The following SLC25A36 variants were observed in gnomAD, a reference collection of about 807,000 sequenced individuals.
SLC25A36 encodes epididymis secretory sperm binding protein.
Under a neutral mutation model 35.3 loss-of-function variants are expected in SLC25A36, and 24 were observed. The observed-to-expected ratio is 0.68, with a 90% confidence interval of 0.49 to 0.96. The LOEUF (loss-of-function observed/expected upper bound fraction) is 0.96, where lower values mean the gene tolerates loss of function less well. Ranked by LOEUF, SLC25A36 falls within the 40% of genes least tolerant of loss-of-function variation. The pLI is 0.00. For synonymous variants in SLC25A36, 141 were observed against 132.2 expected (o/e 1.07, Z -0.46); for missense variants, 294 against 381.1 (o/e 0.77, Z 1.90).
At chr3:140,949,516 C>A (rs1422016300) in intron 1 of SLC25A36, among the ~76,000 whole-genome samples, 1 of 152,106 alleles carries the variant, frequency 6.6e-6, no homozygotes, top group Non-Finnish European at 1.5e-5. Context: ...CGATCTTGGC[C>A]TTCTCGTATC....
chr3:140,942,410 AGGCCGAATCCATGCGTCTGAGGAGACGCG>A (rs1238261096), intron 1 of SLC25A36: 1 of 258,944 alleles, frequency 3.9e-6, no homozygotes, highest in Non-Finnish European at 7.4e-6. Flanking sequence ...GGTGAGGCGG[AGGCCGAATCCATGCGTCTGAGGAGACGCG>A]GGCAAGAGCT....
chr3:140,950,918 CTGTGTG>C (rs373375551), intron 1 of SLC25A36, among the ~76,000 whole-genome samples: 5 of 136,376 alleles, frequency 3.7e-5, no homozygotes, highest in Non-Finnish European at 3.2e-5. Flanking sequence ...GTCTGTGTGT[CTGTGTG>C]TGTGTGTGTG....
chr3:140,945,126 T>A (rs1934128130), intron 1 of SLC25A36, among the ~76,000 whole-genome samples: 1 of 152,208 alleles, frequency 6.6e-6, no homozygotes, highest in South Asian at 2.1e-4. Flanking sequence ...ACAGGTTTTT[T>A]GATGATGGTC....
chr3:140,952,880 CTCTT>C (rs566883056), intron 1 of SLC25A36, among the ~76,000 whole-genome samples: 5 of 152,114 alleles, frequency 3.3e-5, no homozygotes, highest in Middle Eastern at 3.2e-3. Flanking sequence ...TTCAAGAATA[CTCTT>C]TCTTAGGTTT....
chr3:140,960,970 C>T lies in SLC25A36; in HGVS notation c.284+1430C>T, dbSNP rs182703591. Among the ~76,000 whole-genome samples the T allele has an allele frequency of 6.6e-4, 100 of 152,302 alleles. 1 individual carries two copies. Among genetic ancestry groups the T allele is most frequent in the African/African-American group, 2.3e-3 (95 of 41,566 alleles). ...AAGCCAAAAGGACATGAAAACATAA[C>T]TTCGTCATTTTTCTCTGACACCATT... On this transcript the variant is annotated intron_variant, in intron 3 of 6. Coordinates refer to ENST00000324194, the MANE Select transcript of SLC25A36 (RefSeq NM_001104647.3).
At chr3:140,952,845 A>G (rs1234015558) in intron 1 of SLC25A36, among the ~76,000 whole-genome samples, 1 of 152,204 alleles carries the variant, frequency 6.6e-6, no homozygotes, top group Admixed American at 6.5e-5. Flanking sequence ...TGTTCATTGA[A>G]TACATTTTTT....
At chr3:140,955,216 T>G (rs1159786896) in intron 1 of SLC25A36, among the ~76,000 whole-genome samples, 1 of 152,142 alleles carries the variant, frequency 6.6e-6, no homozygotes, top group East Asian at 1.9e-4. Flanking sequence ...CGGAGTGATA[T>G]TAACATTGCC....
At chr3:140,949,130 A>C (rs1306370043) in intron 1 of SLC25A36, among the ~76,000 whole-genome samples, 1 of 152,216 alleles carries the variant, frequency 6.6e-6, no homozygotes, top group East Asian at 1.9e-4. Flanking sequence ...AGCTTCAAAA[A>C]CAAAAAAACA....
chr3:140,947,643 A>AT, intron 1 of SLC25A36, among the ~76,000 whole-genome samples: 1 of 152,258 alleles, frequency 6.6e-6, no homozygotes, highest in South Asian at 2.1e-4. Context: ...AATTTTCTGT[A>AT]TTACTAGTCT....
intron 3 of SLC25A36, 123 bp from the exon 4 acceptor site, chr3:140,963,004 G>A (rs1934669067): frequency 1.9e-6 from 1 of 520,224 alleles, no homozygotes; most frequent in Non-Finnish European, 3.2e-6. Flanking sequence ...AATGTTACAT[G>A]AGAATGTGGC....
chr3:140,951,196 T>G (rs1934314750), intron 1 of SLC25A36, among the ~76,000 whole-genome samples: 1 of 150,640 alleles, frequency 6.6e-6, no homozygotes, highest in Non-Finnish European at 1.5e-5. Flanking sequence ...TCTCTGGGCC[T>G]CTCTGTTCTT....
intron 1 of SLC25A36, among the ~76,000 whole-genome samples, chr3:140,956,285 T>G (rs1327802272): frequency 6.6e-6 from 1 of 152,196 alleles, no homozygotes; most frequent in African/African-American, 2.4e-5. Context: ...TCAGTTGAAG[T>G]GTTTAGCAGT....
intron 4 of SLC25A36, chr3:140,968,869 T>C (rs1934831667): frequency 4.3e-6 from 1 of 230,208 alleles, no homozygotes; most frequent in African/African-American, 2.3e-5. Flanking sequence ...TTAAAAAGTT[T>C]GATGTAAAGA....
intron 1 of SLC25A36, among the ~76,000 whole-genome samples, chr3:140,949,569 G>A (rs1934264007): frequency 6.6e-6 from 1 of 152,162 alleles, no homozygotes; most frequent in Non-Finnish European, 1.5e-5. Flanking sequence ...TTAAATGAGT[G>A]TCAATCTAGG....
In SLC25A36 at chr3:140,955,185, A is replaced by G. The variant is rs1344828517; in HGVS notation, c.42-1342A>G. On this transcript the variant is annotated intron_variant, in intron 1 of 6. Coordinates refer to ENST00000324194, the MANE Select transcript of SLC25A36 (RefSeq NM_001104647.3). ...CAATATGACATATTTTTATCTTTTA[A>G]AATTTCTTTTACATTCTATTCGGAG... Among the ~76,000 whole-genome samples, 3 of 151,928 alleles carry G rather than the reference A, an allele frequency of 2.0e-5. No individual in the cohort carries two copies. The East Asian group carries it at 5.8e-4, about 29-fold the overall frequency.
At chr3:140,950,414 A>G (rs1934288137) in intron 1 of SLC25A36, among the ~76,000 whole-genome samples, 1 of 151,866 alleles carries the variant, frequency 6.6e-6, no homozygotes, top group Admixed American at 6.6e-5. Flanking sequence ...CTGTCATCCT[A>G]ATCCTATCTT....
At chr3:140,948,703 A>G (rs1226785371) in intron 1 of SLC25A36, among the ~76,000 whole-genome samples, 1 of 152,202 alleles carries the variant, frequency 6.6e-6, no homozygotes, top group East Asian at 1.9e-4. Context: ...TTGCCTGTTA[A>G]AAACAAGTTT....
At chr3:140,969,446 T>C (rs1934846170) in intron 4 of SLC25A36, among the ~76,000 whole-genome samples, 1 of 151,876 alleles carries the variant, frequency 6.6e-6, no homozygotes, top group African/African-American at 2.4e-5. Flanking sequence ...TAAAAGCACT[T>C]AAGAGAAATG....
chr3:140,979,605 A>C lies in SLC25A36; in HGVS notation c.*3152A>C, dbSNP rs1935138315. 6.6e-6 allele frequency: 1 copy of C among 152,182 alleles called. No individual in the cohort carries two copies. Among genetic ancestry groups the C allele is most frequent in the Admixed American group, 6.5e-5 (1 of 15,282 alleles). 9.4% of individuals were successfully genotyped at this position (152,182 alleles called of 1,614,324 possible). ...CAATGTACAAACTTTCTGCCCACTC[A>C]GATCTCTTCTCCATCATGTACTTAG... On this transcript the variant is annotated 3_prime_UTR_variant, in exon 7 of 7. Coordinates refer to ENST00000324194, the MANE Select transcript of SLC25A36 (RefSeq NM_001104647.3).
Sources: allele counts gnomAD v4.1 joint callset (sites outside exome capture counted in the v4.1 genomes callset), GRCh38; gene constraint gnomAD v4.1.1; transcripts MANE v1.5; gene names NCBI Gene and HGNC (gene_info 2026-07-23, HGNC 2026-07-21).